The following SRFBP1 variants were observed in gnomAD, a reference collection of about 807,000 sequenced individuals.
SRFBP1 encodes the protein serum response factor-binding protein 1.
In SRFBP1, 47 loss-of-function variants were observed where a neutral mutation model predicts 45.5. The observed-to-expected ratio is 1.03, with a 90% CI of 0.82 to 1.32. The LOEUF is 1.32. Among genes scored for constraint, SRFBP1 ranks in the 40% most tolerant of loss-of-function variants. The probability of loss-of-function intolerance (pLI) is 0.00; values close to 1 mark genes in which losing one functional copy is unlikely to be tolerated. For synonymous variants in SRFBP1, 203 were observed against 166.3 expected (o/e 1.22, Z -1.70); for missense variants, 621 against 484.6 (o/e 1.28, Z -2.64).
chr5:122,075,567 A>C (rs1207157954), exon 3 of SRFBP1: 2 of 1,482,788 alleles, frequency 1.3e-6, no homozygotes, highest in Non-Finnish European at 1.8e-6. Flanking sequence ...AAGAAAAATT[A>C]TTATATTCAT....
At chr5:121,984,845 T>A in intron 3 of SRFBP1, among the ~76,000 whole-genome samples, 1 of 151,814 alleles carries the variant, frequency 6.6e-6, no homozygotes, top group Admixed American at 6.6e-5. Context: ...TTGTCCAGAT[T>A]GCATTGTGAC....
intron 4 of SRFBP1, among the ~76,000 whole-genome samples, chr5:122,004,636 G>A (rs1295296370): frequency 6.6e-6 from 1 of 151,810 alleles, no homozygotes; most frequent in Non-Finnish European, 1.5e-5. Flanking sequence ...ATCTCCTCTT[G>A]TTTTTCTCAC....
downstream of SRFBP1, among the ~76,000 whole-genome samples, chr5:122,032,961 T>G (rs1753615153): frequency 6.6e-6 from 1 of 152,192 alleles, no homozygotes; most frequent in East Asian, 1.9e-4. Flanking sequence ...TTCTTTTGTT[T>G]GTTTGTTTTG....
chr5:122,059,673 A>G (rs540839186), intron 2 of SRFBP1, among the ~76,000 whole-genome samples: 15 of 152,226 alleles, frequency 9.9e-5, no homozygotes, highest in Admixed American at 2.6e-4. Context: ...CTTGAAGAAC[A>G]TGGGTATTTT....
At chr5:122,026,315 A>G (rs1181081858) in intron 7 of SRFBP1, among the ~76,000 whole-genome samples, 1 of 152,330 alleles carries the variant, frequency 6.6e-6, no homozygotes, top group South Asian at 2.1e-4. Flanking sequence ...AAATGTTAAG[A>G]TACTATATGG....
chr5:121,983,141 G>A (rs1225544202), intron 3 of SRFBP1, among the ~76,000 whole-genome samples: 2 of 150,644 alleles, frequency 1.3e-5, no homozygotes, highest in Non-Finnish European at 3.0e-5. Context: ...AAAATGTGAT[G>A]TTCTTTTTGT....
chr5:122,006,612 C>T (rs1752980183), intron 4 of SRFBP1, among the ~76,000 whole-genome samples: 1 of 151,944 alleles, frequency 6.6e-6, no homozygotes, highest in Non-Finnish European at 1.5e-5. Flanking sequence ...TTTCTCTCTT[C>T]TGACTATATA....
intron 2 of SRFBP1, among the ~76,000 whole-genome samples, chr5:122,062,085 C>T (rs1235768816): frequency 6.6e-6 from 1 of 151,870 alleles, no homozygotes; most frequent in African/African-American, 2.4e-5. Flanking sequence ...TTCTTTACTG[C>T]AGGATTTCTC....
chr5:121,964,987 ACTT>A (rs1307791840), intron 1 of SRFBP1, among the ~76,000 whole-genome samples: 1 of 152,064 alleles, frequency 6.6e-6, no homozygotes, highest in African/African-American at 2.4e-5. Context: ...TGCATAAATG[ACTT>A]CTTTTGAGAA....
intron 2 of SRFBP1, among the ~76,000 whole-genome samples, chr5:122,058,609 A>G (rs918037827): frequency 6.6e-6 from 1 of 151,726 alleles, no homozygotes; most frequent in African/African-American, 2.4e-5. Context: ...ACAACTCATT[A>G]AATATTTAAT....
At chr5:121,968,221 CA>C (rs1752114131) in intron 1 of SRFBP1, among the ~76,000 whole-genome samples, 1 of 144,706 alleles carries the variant, frequency 6.9e-6, no homozygotes, top group Non-Finnish European at 1.5e-5. Context: ...CAAACTCTGT[CA>C]TTATTATTAT....
At chr5:122,034,600 C>G (rs140082339) in intron 2 of SRFBP1, among the ~76,000 whole-genome samples, 1 of 152,002 alleles carries the variant, frequency 6.6e-6, no homozygotes, top group African/African-American at 2.4e-5. Flanking sequence ...TTTTATTCAT[C>G]AGAACATACA....
At chr5:122,008,670 G>C (rs956165009) in intron 4 of SRFBP1, among the ~76,000 whole-genome samples, 2 of 151,568 alleles carry the variant, frequency 1.3e-5, no homozygotes, top group African/African-American at 2.4e-5. Flanking sequence ...GTATTTTTTT[G>C]TGTGTAGATA....
chr5:121,994,815 A>C, intron 4 of SRFBP1, 145 bp downstream of exon 4: 1 of 519,510 alleles, frequency 1.9e-6, no homozygotes, highest in South Asian at 3.2e-5. Flanking sequence ...CTGCCACCAC[A>C]AAAAAAATTT....
intron 4 of SRFBP1, among the ~76,000 whole-genome samples, chr5:122,000,729 G>T (rs992413368): frequency 1.3e-5 from 2 of 151,982 alleles, no homozygotes; most frequent in African/African-American, 4.8e-5. Context: ...GTGTGAATTT[G>T]CTATTTGTCC....
intron 3 of SRFBP1, among the ~76,000 whole-genome samples, chr5:121,986,616 C>A (rs1256373293): frequency 1.3e-5 from 2 of 151,964 alleles, no homozygotes; most frequent in African/African-American, 4.8e-5. Flanking sequence ...CAAATTTAGC[C>A]AGTGGTAGCC....
intron 3 of SRFBP1, among the ~76,000 whole-genome samples, chr5:121,994,347 A>G (rs1030102304): frequency 6.6e-6 from 1 of 151,984 alleles, no homozygotes; most frequent in East Asian, 1.9e-4. Flanking sequence ...TTTATTATAT[A>G]CAGTATAGAG....
chr5:122,031,311 G>T (rs1226832184), downstream of SRFBP1, among the ~76,000 whole-genome samples: 1 of 152,136 alleles, frequency 6.6e-6, no homozygotes, highest in Admixed American at 6.5e-5. Context: ...GTTGTAACAT[G>T]TTATTTAAAA....
chr5:121,964,500 A>G (rs976398109), intron 1 of SRFBP1, among the ~76,000 whole-genome samples: 1 of 152,132 alleles, frequency 6.6e-6, no homozygotes, highest in Non-Finnish European at 1.5e-5. Flanking sequence ...AGCATCATCC[A>G]TGTCCCTGCA....
Sources: gnomAD v4.1 joint callset for allele counts (sites outside exome capture counted in the v4.1 genomes callset) on GRCh38, gnomAD v4.1.1 for gene constraint, MANE v1.5 for transcripts, NCBI Gene and HGNC (gene_info 2026-07-23, HGNC 2026-07-21) for gene names.